The following REL variants were observed in gnomAD, a reference collection of about 807,000 sequenced individuals.
The protein encoded by REL is proto-oncogene c-Rel.
Under a neutral mutation model 45.9 loss-of-function variants are expected in REL, and 15 were observed. The observed-to-expected ratio is 0.33, with a 90% CI of 0.22 to 0.50. The LOEUF (loss-of-function observed/expected upper bound fraction) is 0.50. Ranked by LOEUF, REL falls within the 20% of genes least tolerant of loss-of-function variation. REL has a pLI of 0.98. For missense variants in REL, 601 were observed against 715.2 expected, an observed-to-expected ratio of 0.84 and a Z score of 1.82; for synonymous variants, 239 against 242.1, an observed-to-expected ratio of 0.99 and a Z score of 0.12.
At chr2:60,909,792 T>C (rs1442447467) in intron 4 of REL, among the ~76,000 whole-genome samples, 2 of 152,034 alleles carry the variant, frequency 1.3e-5, no homozygotes, top group Non-Finnish European at 2.9e-5. Context: ...TCCTAGCTAC[T>C]TGGGAGGCTG....
At chr2:60,892,668 G>A (rs1175389992) in intron 2 of REL, among the ~76,000 whole-genome samples, 1 of 151,718 alleles carries the variant, frequency 6.6e-6, no homozygotes, top group Non-Finnish European at 1.5e-5. Flanking sequence ...GACATCAGGT[G>A]ATCCACCCAT....
At chr2:60,918,151 A>G in intron 5 of REL, 40 bp from the exon 6 acceptor site, 2 of 1,161,948 alleles carry the variant, frequency 1.7e-6, no homozygotes, top group Admixed American at 2.2e-5. Flanking sequence ...AAATATTACT[A>G]AGGTAGCAAC....
Position 60,922,238 on chromosome 2 carries a change from C to T in REL, c.1467C>T (p.Asn489=), listed in dbSNP as rs750179790. 151 of 1,614,012 alleles carry T rather than the reference C, an allele frequency of 9.4e-5. No individual in the cohort carries two copies. Among genetic ancestry groups the T allele is most frequent in the South Asian group, 2.4e-4 (22 of 91,086 alleles). The change falls in exon 10 of 10, where the codon AAC becomes AAT. Residue 489 remains asparagine (N), a synonymous_variant. Coordinates refer to ENST00000394479, the MANE Select transcript of REL (RefSeq NM_001291746.2). ...GACTTCTGAGCATGAATCTTGAAAA[C>T]CCCTCATGTAATTCAGTGTTAGACC... ...NPRLLSMNLE[N]PSCNSVLDPR...
chr2:60,904,283 T>C (rs556532684), intron 4 of REL, among the ~76,000 whole-genome samples: 2 of 151,980 alleles, frequency 1.3e-5, no homozygotes, highest in Non-Finnish European at 2.9e-5. Flanking sequence ...GCGCCTGTAG[T>C]CCCAGCTACT....
chr2:60,891,840 T>C lies in REL; in HGVS notation c.153+15T>C, dbSNP rs1216781956. 1 of 1,596,694 alleles carries C rather than the reference T, an allele frequency of 6.3e-7. No individual in the cohort carries two copies. Among genetic ancestry groups the C allele is most frequent in the Non-Finnish European group, 8.5e-7 (1 of 1,170,782 alleles). The stretch of plus-strand genomic sequence containing the variant: ...CTTCTATCCAGGTAATAGACCCTTC[T>C]TCTGTGTCTATCTCACTATTAGTTG... On this transcript the variant is annotated intron_variant, in intron 2 of 9. Coordinates refer to ENST00000394479, the MANE Select transcript of REL (RefSeq NM_001291746.2).
chr2:60,891,338 G>A (rs1250444361), intron 1 of REL, among the ~76,000 whole-genome samples: 1 of 152,012 alleles, frequency 6.6e-6, no homozygotes, highest in Non-Finnish European at 1.5e-5. Context: ...GGGAATCTTG[G>A]GGGAAACCCT....
intron 4 of REL, among the ~76,000 whole-genome samples, chr2:60,901,598 G>T (rs1312108375): frequency 6.6e-6 from 1 of 152,172 alleles, no homozygotes; most frequent in African/African-American, 2.4e-5. Flanking sequence ...TGCACAGAGA[G>T]GTTTTTGGTA....
chr2:60,898,996 A>AT (rs1374020250), intron 3 of REL: 1 of 152,352 alleles, frequency 6.6e-6, no homozygotes, highest in East Asian at 1.9e-4. Context: ...ACCACCCCTA[A>AT]TATTCCGTGA....
intron 4 of REL, among the ~76,000 whole-genome samples, chr2:60,910,076 T>C (rs186873935): frequency 6.6e-6 from 1 of 152,294 alleles, no homozygotes; most frequent in Admixed American, 6.5e-5. Flanking sequence ...CATGATAATA[T>C]CTTCTTGGTT....
In REL at chr2:60,922,080, A is replaced by G; in HGVS notation, c.1309A>G (p.Ile437Val). Reference protein sequence around the residue: ...NACIYNNADDIVGMEASSMPS... With the variant: ...NACIYNNADDVVGMEASSMPS... ...TTGCATTTACAACAATGCCGATGACATAGTCGGAATGGAAGCGTCATCCAT... is the reference window on the plus strand; with the variant it reads ...TTGCATTTACAACAATGCCGATGACGTAGTCGGAATGGAAGCGTCATCCAT... Residue 437 changes from isoleucine to valine, a missense_variant, in exon 10 of 10, where the codon ATA becomes GTA. By Grantham distance (29) the Ile-to-Val change is conservative (BLOSUM62 3). Around this residue, in one of 4 missense-constraint regions of REL, gnomAD observed 334 missense variants for 333.1 expected, o/e 1.00. Coordinates refer to ENST00000394479, the MANE Select transcript of REL (RefSeq NM_001291746.2). 6.2e-7 allele frequency: 1 copy of G among 1,614,190 alleles called. No individual in the cohort carries two copies. Among genetic ancestry groups the G allele is most frequent in the Non-Finnish European group, 8.5e-7 (1 of 1,180,014 alleles).
At chr2:60,901,892 G>A (rs1388900673) in intron 4 of REL, among the ~76,000 whole-genome samples, 1 of 152,020 alleles carries the variant, frequency 6.6e-6, no homozygotes, top group African/African-American at 2.4e-5. Flanking sequence ...ATTTTATTGG[G>A]GATAGCATTT....
At chr2:60,895,216 C>G (rs1490657078) in intron 3 of REL, among the ~76,000 whole-genome samples, 1 of 151,790 alleles carries the variant, frequency 6.6e-6, no homozygotes, top group Non-Finnish European at 1.5e-5. Context: ...CAAGGTCTCG[C>G]TCTGTTACCC....
intron 2 of REL, among the ~76,000 whole-genome samples, chr2:60,893,982 A>G (rs529177477): frequency 6.6e-6 from 1 of 152,334 alleles, no homozygotes; most frequent in African/African-American, 2.4e-5. Flanking sequence ...ATTAAGTAAA[A>G]TGATCATATT....
At chr2:60,904,080 G>A (rs1205538031) in intron 4 of REL, among the ~76,000 whole-genome samples, 1 of 151,776 alleles carries the variant, frequency 6.6e-6, no homozygotes, top group Non-Finnish European at 1.5e-5. Flanking sequence ...CTACGAAATA[G>A]GTACTATTAA....
chr2:60,894,314 A>T, intron 2 of REL, 83 bp from the exon 3 acceptor site: 1 of 790,586 alleles, frequency 1.3e-6, no homozygotes, highest in Non-Finnish European at 1.9e-6. Context: ...CATTATAATT[A>T]ATGTAAATTG....
intron 4 of REL, among the ~76,000 whole-genome samples, chr2:60,908,336 A>C (rs1225068046): frequency 6.6e-6 from 1 of 152,092 alleles, no homozygotes; most frequent in Non-Finnish European, 1.5e-5. Context: ...AGATTCCCCA[A>C]CTAGTGTGTT....
At chr2:60,908,410 ACGGGG>A (rs1673720536) in intron 4 of REL, among the ~76,000 whole-genome samples, 1 of 152,202 alleles carries the variant, frequency 6.6e-6, no homozygotes, top group African/African-American at 2.4e-5. Context: ...TCTCTAGCAA[ACGGGG>A]CATAAAGCAG....
Position 60,921,835 on chromosome 2 carries a change from A to ACTATCCCTC in REL, c.1065_1073dup (p.Tyr356_Ser358dup). On this transcript the variant is annotated inframe_insertion, in exon 10 of 10. Transcript: ENST00000394479. ...GGGGTTTCAAGTCAAGCAGAATCCT[A>ACTATCCCTC]CTATCCCTCACCTGGGCCCATCTCA... 6.2e-7 allele frequency: 1 copy of ACTATCCCTC among 1,614,084 alleles called. No individual in the cohort carries two copies. Among genetic ancestry groups the ACTATCCCTC allele is most frequent in the Admixed American group, 1.7e-5 (1 of 60,008 alleles).
At chr2:60,915,971 C>T (rs1364637329) in intron 4 of REL, among the ~76,000 whole-genome samples, 1 of 152,154 alleles carries the variant, frequency 6.6e-6, no homozygotes, top group Non-Finnish European at 1.5e-5. Flanking sequence ...TTAGTAGATA[C>T]TCTTGTGTAT....
Sources: gnomAD v4.1 joint callset for allele counts (sites outside exome capture counted in the v4.1 genomes callset) on GRCh38, gnomAD v4.1.1 for gene constraint, gnomAD v4.1.1 regional missense constraint, MANE v1.5 for transcripts, NCBI Gene and HGNC (gene_info 2026-07-23, HGNC 2026-07-21) for gene names.